The following TMEM184B variants were observed in gnomAD, a reference collection of about 807,000 sequenced individuals.
TMEM184B encodes transmembrane protein 184B, also known as putative MAPK-activating protein FM08.
In TMEM184B, 17 loss-of-function variants were observed where a neutral mutation model predicts 41.8. The observed-to-expected ratio is 0.41, with a 90% CI of 0.28 to 0.61. The LOEUF (loss-of-function observed/expected upper bound fraction) is 0.61, where lower values mean the gene tolerates loss of function less well. Ranked by LOEUF, TMEM184B falls within the 20% of genes least tolerant of loss-of-function variation. TMEM184B has a pLI of 0.34. For missense variants in TMEM184B, 393 were observed against 557.8 expected (o/e 0.70, Z 2.98); for synonymous variants, 240 against 229.5 (o/e 1.05, Z -0.41).
At chr22:38,235,903 C>A (rs1361107803) in intron 3 of TMEM184B, among the ~76,000 whole-genome samples, 1 of 152,236 alleles carries the variant, frequency 6.6e-6, no homozygotes, top group Non-Finnish European at 1.5e-5. Context: ...GCCCACCGCC[C>A]TTCCCACCAC....
Position 38,225,583 on chromosome 22 carries a change from C to T in TMEM184B, c.628G>A (p.Gly210Ser). 2 of 1,605,594 alleles carry T rather than the reference C, an allele frequency of 1.2e-6. No homozygotes were observed. The highest frequency in any genetic ancestry group is 1.1e-5 in the South Asian group (1 of 90,094). Residue 210 changes from glycine to serine, a missense_variant, in exon 7 of 9, where the codon GGC becomes AGC. By Grantham distance (56) the Gly-to-Ser change is moderately conservative. Transcript: ENST00000361906. The surrounding 1 kb of genome is among the most constrained non-coding windows in gnomAD (Gnocchi z 4.4). ...TAGATGATGGTCACGTAGAGGTAGC[C>T]ACTGGTGACGCTGCGGGACGGGGAG... is the stretch of plus-strand genomic sequence containing the variant. ...YRDGDFDVTS[G>S]YLYVTIIYNI...
chr22:38,251,719 C>T (rs913472426), intron 1 of TMEM184B, among the ~76,000 whole-genome samples: 1 of 152,188 alleles, frequency 6.6e-6, no homozygotes, highest in East Asian at 1.9e-4. Context: ...TCACCTGGCA[C>T]AGCCTGTGGA....
downstream of TMEM184B, among the ~76,000 whole-genome samples, chr22:38,218,422 C>T (rs946978817): frequency 2.6e-5 from 4 of 152,048 alleles, no homozygotes; most frequent in East Asian, 1.9e-4. Flanking sequence ...GCATTACGTG[C>T]GAAAAACCCT....
chr22:38,248,547 A>G (rs966406789), intron 1 of TMEM184B, among the ~76,000 whole-genome samples: 2 of 152,106 alleles, frequency 1.3e-5, no homozygotes, highest in African/African-American at 4.8e-5. Flanking sequence ...CCATGAAAAC[A>G]TGTCAGCCTC....
chr22:38,238,091 C>T (rs534343777), intron 3 of TMEM184B, among the ~76,000 whole-genome samples: 94 of 152,074 alleles, frequency 6.2e-4, no homozygotes, highest in African/African-American at 2.2e-3. Context: ...TGAGCCACTG[C>T]GCCCAGCCCC....
chr22:38,227,718 C>G (rs2091485986), intron 5 of TMEM184B, among the ~76,000 whole-genome samples: 1 of 152,124 alleles, frequency 6.6e-6, no homozygotes. Flanking sequence ...GATGTAGTCA[C>G]TCCCCACACC....
In TMEM184B at chr22:38,230,760, A is replaced by T. The variant is rs182244594; in HGVS notation, c.450-16T>A. ...ACAGCTGGACCTGGAAGAGACAAGC[A>T]TAGCAGGCAGTGGCAGTGAGTGAAG... On this transcript the variant is annotated splice_polypyrimidine_tract_variant and intron_variant, in intron 4 of 8. Transcript: ENST00000361906. The T allele has an allele frequency of 1.1e-4, 174 of 1,608,962 alleles. No individual in the cohort carries two copies. The Admixed American group carries it at 2.6e-3, about 24-fold the overall frequency.
At chr22:38,216,926 T>C (rs1021047832), downstream of TMEM184B, among the ~76,000 whole-genome samples, 1 of 152,096 alleles carries the variant, frequency 6.6e-6, no homozygotes, top group Non-Finnish European at 1.5e-5. Flanking sequence ...CACATGCCTA[T>C]TGTTCCAGCT....
chr22:38,251,508 G>A (rs1440570743), intron 1 of TMEM184B, among the ~76,000 whole-genome samples: 13 of 152,324 alleles, frequency 8.5e-5, no homozygotes, highest in Non-Finnish European at 1.3e-4. Flanking sequence ...CCCAGAGCTC[G>A]CCTTGCTCCC....
chr22:38,257,697 T>C (rs1218056052), intron 1 of TMEM184B, among the ~76,000 whole-genome samples: 4 of 152,182 alleles, frequency 2.6e-5, no homozygotes, highest in Non-Finnish European at 2.9e-5. Flanking sequence ...TTTTATTACG[T>C]ACACACTGAA....
rs367953920 is a variant in TMEM184B, at chr22:38,231,338, C to T, written c.359-4G>A. Reference sequence around the variant, plus strand: ...AGGAAATTATAGATGACCAAGGCTGCGAAGAGAGTGTCCAGGAGAAACCAG... The same window carrying T: ...AGGAAATTATAGATGACCAAGGCTGTGAAGAGAGTGTCCAGGAGAAACCAG... On this transcript the variant is annotated splice_region_variant and splice_polypyrimidine_tract_variant and intron_variant, in intron 3 of 8. Transcript: ENST00000361906. 28 of 1,612,986 alleles carry T rather than the reference C, an allele frequency of 1.7e-5. No homozygotes were observed. The highest frequency in any genetic ancestry group is 1.6e-4 in the Middle Eastern group (1 of 6,084).
chr22:38,268,523 T>C (rs1241768377), intron 1 of TMEM184B, among the ~76,000 whole-genome samples: 1 of 151,976 alleles, frequency 6.6e-6, no homozygotes, highest in Non-Finnish European at 1.5e-5. Context: ...TCAATTCTTC[T>C]CTCTGTGGCC....
chr22:38,256,984 T>G (rs898084497), intron 1 of TMEM184B, among the ~76,000 whole-genome samples: 9 of 149,872 alleles, frequency 6.0e-5, no homozygotes, highest in East Asian at 5.8e-4. Flanking sequence ...ATAGTTTTTT[T>G]TTTTTTTTTT....
chr22:38,221,106 G>C lies in TMEM184B; in HGVS notation c.*363C>G, dbSNP rs536935920. ...GCCGACCTCAGCCTGAGAGTCTCGC[G>C]GGGAGGAGGGGCTAGAAGGCTGCAG... On this transcript the variant is annotated 3_prime_UTR_variant, in exon 9 of 9. Transcript: ENST00000361906. 6.4e-6 allele frequency: 7 copies of C among 1,093,522 alleles called. No individual in the cohort carries two copies. Among genetic ancestry groups the C allele is most frequent in the African/African-American group, 5.0e-5 (3 of 60,486 alleles). 67.7% of individuals were successfully genotyped at this position (1,093,522 alleles called of 1,614,324 possible).
downstream of TMEM184B, chr22:38,219,281 C>T: frequency 2.0e-6 from 2 of 985,612 alleles, no homozygotes; most frequent in Non-Finnish European, 2.4e-6. Context: ...AAAAACCTCA[C>T]CCACAGGCAG....
At chr22:38,256,406 T>G (rs111427515) in intron 1 of TMEM184B, among the ~76,000 whole-genome samples, 9,309 of 151,584 alleles carry the variant, frequency 0.061, 782 homozygotes, top group African/African-American at 0.19. Context: ...TAGAGACAGG[T>G]TTTCACCTTA....
intron 1 of TMEM184B, among the ~76,000 whole-genome samples, chr22:38,250,588 T>C (rs539126587): frequency 1.6e-4 from 24 of 152,340 alleles, no homozygotes; most frequent in African/African-American, 5.5e-4. Flanking sequence ...TTGTAAATCA[T>C]CATCTTTGTC....
intron 2 of TMEM184B, chr22:38,246,445 C>A (rs780648390): frequency 6.7e-6 from 2 of 296,630 alleles, no homozygotes; most frequent in Admixed American, 8.4e-5. Flanking sequence ...GGGGACCTCA[C>A]GCACTGGCAG....
Position 38,219,918 on chromosome 22 carries a change from G to A in TMEM184B, c.*1551C>T, listed in dbSNP as rs2091213581. The A allele has an allele frequency of 1.0e-6, 1 of 985,322 alleles. No individual in the cohort carries two copies. Among genetic ancestry groups the A allele is most frequent in the Admixed American group, 6.1e-5 (1 of 16,262 alleles). 61.0% of individuals were successfully genotyped at this position (985,322 alleles called of 1,614,324 possible). A position where few individuals can be genotyped will look rare whatever the true frequency, so the allele number is the denominator to read the frequency against. Reference sequence around the variant, plus strand: ...CAGGCCTCTGCCACGAGGAAAGGAAGGAGGCCAGGAAGACGGCTGGGCCCC... The same window carrying A: ...CAGGCCTCTGCCACGAGGAAAGGAAAGAGGCCAGGAAGACGGCTGGGCCCC... On this transcript the variant is annotated 3_prime_UTR_variant, in exon 9 of 9. Transcript: ENST00000361906.
Sources: allele counts gnomAD v4.1 joint callset (sites outside exome capture counted in the v4.1 genomes callset), GRCh38; gene constraint gnomAD v4.1.1; non-coding constraint Gnocchi (gnomAD v3.1); transcripts MANE v1.5; gene names NCBI Gene and HGNC (gene_info 2026-07-23, HGNC 2026-07-21).